The following MESP1 variants were observed in gnomAD, a reference collection of about 807,000 sequenced individuals.
The protein encoded by MESP1 is mesoderm posterior protein 1.
In MESP1, 22 loss-of-function variants were observed where a neutral mutation model predicts 15.2. That is an observed-to-expected ratio of 1.45 (90% confidence interval 1.04 to 2.07). MESP1 has a LOEUF of 2.07. Ranked by LOEUF, MESP1 falls within the 30% of genes most tolerant of loss-of-function variation. The probability of loss-of-function intolerance (pLI) is 0.00; values close to 1 mark genes in which losing one functional copy is unlikely to be tolerated. For missense variants in MESP1, 484 were observed against 411.9 expected (o/e 1.17, Z -1.51); for synonymous variants, 216 against 192.6 (o/e 1.12, Z -1.01).
chr15:89,748,365 C>G (rs1596145057), downstream of MESP1, among the ~76,000 whole-genome samples: 1 of 152,252 alleles, frequency 6.6e-6, no homozygotes, highest in East Asian at 1.9e-4. Context: ...TGTGGCCAAG[C>G]GCCAGGCCGG....
chr15:89,749,043 A>T (rs142093175), downstream of MESP1: 5 of 152,252 alleles, frequency 3.3e-5, no homozygotes, highest in East Asian at 9.7e-4. Flanking sequence ...TCCCCACCGC[A>T]CCCTCTAATC....
intron 1 of MESP1, 116 bp from the exon 2 acceptor site, chr15:89,750,343 C>G: frequency 6.6e-7 from 1 of 1,519,594 alleles, no homozygotes; most frequent in Non-Finnish European, 8.9e-7. Flanking sequence ...CAGTCCTCTG[C>G]GTGGCCTTTC....
Position 89,750,131 on chromosome 15 carries a change from C to A in MESP1, c.*13G>T, listed in dbSNP as rs535397278. The stretch of plus-strand genomic sequence containing the variant: ...GCCTCGGTGCTCACAGAGACGGCGT[C>A]AGTTGTCCCTTGTCACTTGGGCTCC... On this transcript the variant is annotated 3_prime_UTR_variant, in exon 2 of 2. Transcript: ENST00000300057. The A allele has an allele frequency of 6.2e-7, 1 of 1,613,508 alleles. No individual in the cohort carries two copies. Among genetic ancestry groups the A allele is most frequent in the Admixed American group, 1.7e-5 (1 of 60,038 alleles).
downstream of MESP1, among the ~76,000 whole-genome samples, chr15:89,746,678 CGCA>C: frequency 6.7e-6 from 1 of 148,156 alleles, no homozygotes; most frequent in African/African-American, 2.5e-5. Context: ...CACACACAGC[CGCA>C]CCTCCACACA....
At chr15:89,749,582 T>G (rs556054110), downstream of MESP1, 4 of 153,840 alleles carry the variant, frequency 2.6e-5, no homozygotes, top group African/African-American at 9.6e-5. Flanking sequence ...AATAATGGAG[T>G]TGTATTTCTA....
chr15:89,737,786 C>T, the MESP1 span: 92 of 1,605,648 alleles, frequency 5.7e-5, no homozygotes, highest in Non-Finnish European at 7.8e-5. Flanking sequence ...TTAGTTCTCT[C>T]ACAAACAGAG....
At position 89,750,894 on chromosome 15, in the gene MESP1, A is replaced by G. The variant is rs368867259; in HGVS notation, c.338T>C (p.Val113Ala). Residue 113 changes from valine (V) to alanine (A), a missense_variant, in exon 1 of 2, where the codon GTG (valine) becomes GCG (alanine). Transcript: ENST00000300057. Reference protein sequence around the residue: ...HELRRFLPPSVAPAGQSLTKI... With the variant: ...HELRRFLPPSAAPAGQSLTKI... ...GGTCAGGCTCTGGCCCGCGGGCGCC[A>G]CGGACGGCGGTAGAAAGCGGCGCAG... is the stretch of plus-strand genomic sequence containing the variant. 45 of 1,495,488 alleles carry G rather than the reference A, an allele frequency of 3.0e-5. No individual in the cohort carries two copies. The highest frequency in any genetic ancestry group is 3.8e-5 in the Non-Finnish European group (43 of 1,128,660). 92.6% of individuals were successfully genotyped at this position (1,495,488 alleles called of 1,614,324 possible). A position where few individuals can be genotyped will look rare whatever the true frequency, so the allele number is the denominator to read the frequency against.
chr15:89,745,180 T>G (rs1278684948), downstream of MESP1, among the ~76,000 whole-genome samples: 1 of 152,136 alleles, frequency 6.6e-6, no homozygotes, highest in African/African-American at 2.4e-5. The surrounding 1 kb of genome is among the most constrained non-coding windows in gnomAD (Gnocchi z 4.8). Context: ...TGCCAAGACA[T>G]GTGCTGCCCA....
downstream of MESP1, among the ~76,000 whole-genome samples, chr15:89,747,096 CCACATACACACACACA>C (rs1179460143): frequency 6.3e-5 from 4 of 63,666 alleles, no homozygotes; most frequent in African/African-American, 1.2e-4. Context: ...AGCCCCACTG[CCACATACACACACACA>C]CACACACACA....
chr15:89,750,747 C>T lies in MESP1; in HGVS notation c.485G>A (p.Gly162Asp). The T allele has an allele frequency of 6.8e-7, 1 of 1,470,202 alleles. No individual in the cohort carries two copies. Among genetic ancestry groups the T allele is most frequent in the Non-Finnish European group, 9.0e-7 (1 of 1,115,346 alleles). 91.1% of individuals were successfully genotyped at this position (1,470,202 alleles called of 1,614,324 possible). The change falls in exon 1 of 2, where the codon GGC becomes GAC. Residue 162 changes from glycine to aspartate, a missense_variant. Coordinates refer to ENST00000300057, the MANE Select transcript of MESP1 (RefSeq NM_018670.4). The stretch of plus-strand genomic sequence containing the variant: ...GCAGTCGTCGGGGCACAGCGGGCAG[C>T]CCCGAGGGGACCCCGCGTCACCGCG... ...RQRGDAGSPR[G>D]CPLCPDDCPA... is the part of the protein sequence containing the mutation.
chr15:89,747,367 T>G (rs1967991321), downstream of MESP1, among the ~76,000 whole-genome samples: 1 of 152,088 alleles, frequency 6.6e-6, no homozygotes, highest in Non-Finnish European at 1.5e-5. Context: ...CGGCCAAGGG[T>G]CGCTGCTCTG....
the MESP1 span, chr15:89,738,091 T>G: frequency 6.2e-7 from 1 of 1,613,812 alleles, no homozygotes; most frequent in South Asian, 1.1e-5. Context: ...AATCCAATAT[T>G]CTGTTTTCTA....
At chr15:89,738,642 A>G in the MESP1 span, among the ~76,000 whole-genome samples, 9 of 151,630 alleles carry the variant, frequency 5.9e-5, no homozygotes, top group East Asian at 1.9e-4. Context: ...AAAAAAAAAA[A>G]AAAGAAATTT....
the MESP1 span, among the ~76,000 whole-genome samples, chr15:89,742,431 G>A: frequency 6.6e-6 from 1 of 151,806 alleles, no homozygotes; most frequent in Non-Finnish European, 1.5e-5. Flanking sequence ...CCTCCACCCT[G>A]CTAAGCGTGC....
chr15:89,740,654 A>C, the MESP1 span, among the ~76,000 whole-genome samples: 1 of 151,846 alleles, frequency 6.6e-6, no homozygotes. Flanking sequence ...GGCATGCGCC[A>C]CCACGCCCGG....
At chr15:89,738,626 CAAAAAA>C in the MESP1 span, among the ~76,000 whole-genome samples, 1 of 81,458 alleles carries the variant, frequency 1.2e-5, no homozygotes, top group East Asian at 4.1e-4. Context: ...GACTCTGTCC[CAAAAAA>C]AAAAAAAAAA....
chr15:89,747,131 CA>C (rs1967985102), downstream of MESP1, among the ~76,000 whole-genome samples: 4 of 150,116 alleles, frequency 2.7e-5, no homozygotes, highest in African/African-American at 7.3e-5. Context: ...CACACACACA[CA>C]CACACACACA....
chr15:89,750,449 G>T (rs952603362), intron 1 of MESP1, 60 bp downstream of exon 1: 8 of 1,463,140 alleles, frequency 5.5e-6, no homozygotes, highest in East Asian at 2.4e-5. Flanking sequence ...TCACCTTGGC[G>T]GGCGGTGGGG....
chr15:89,747,800 C>A (rs1047064902), downstream of MESP1, among the ~76,000 whole-genome samples: 1 of 152,208 alleles, frequency 6.6e-6, no homozygotes, highest in African/African-American at 2.4e-5. Context: ...TACCTTGCAG[C>A]GGGGCTGAGA....
Sources: gnomAD v4.1 joint callset for allele counts (sites outside exome capture counted in the v4.1 genomes callset) on GRCh38, gnomAD v4.1.1 for gene constraint, Gnocchi (gnomAD v3.1) non-coding constraint, MANE v1.5 for transcripts, NCBI Gene and HGNC (gene_info 2026-07-23, HGNC 2026-07-21) for gene names.